The following LSAMP variants were observed in gnomAD, a reference collection of about 807,000 sequenced individuals.
LSAMP encodes limbic system-associated membrane protein.
In LSAMP, 7 loss-of-function variants were observed where a neutral mutation model predicts 38.6. The observed-to-expected ratio is 0.18, with a 90% CI of 0.10 to 0.34. The LOEUF (loss-of-function observed/expected upper bound fraction) is 0.34, where lower values mean the gene tolerates loss of function less well. LSAMP is among the 10% of genes least tolerant of loss of function. The pLI is 1.00. For synonymous variants in LSAMP, 154 were observed against 166.8 expected, an observed-to-expected ratio of 0.92 and a Z score of 0.59; for missense variants, 313 against 420.0, an observed-to-expected ratio of 0.75 and a Z score of 2.23.
At chr3:116,397,560 CTG>C (rs773779355) in intron 1 of LSAMP, among the ~76,000 whole-genome samples, 1 of 152,018 alleles carries the variant, frequency 6.6e-6, no homozygotes, top group Non-Finnish European at 1.5e-5. Context: ...ACTGAAATTT[CTG>C]TGTGTTTTGT....
intron 2 of LSAMP, among the ~76,000 whole-genome samples, chr3:116,067,551 T>A (rs1190639887): frequency 6.6e-6 from 1 of 152,178 alleles, no homozygotes; most frequent in Non-Finnish European, 1.5e-5. Context: ...GCAAACTCAC[T>A]CTGAGGACTT....
intron 3 of LSAMP, among the ~76,000 whole-genome samples, chr3:115,929,382 T>A (rs1937545082): frequency 6.6e-6 from 1 of 152,086 alleles, no homozygotes; most frequent in Admixed American, 6.5e-5. Flanking sequence ...GAATTCTACT[T>A]GTGACACTAC....
In LSAMP at chr3:116,264,850, T is replaced by A. The variant is rs2046872322; in HGVS notation, c.156-178294A>T. ...TCAAAAAACTGAGTTTAAACAATCC[T>A]CCCACCTTGGCCTCCCAAGTGCTGG... is the stretch of plus-strand genomic sequence containing the variant. On this transcript the variant is annotated intron_variant, in intron 1 of 6. Coordinates refer to ENST00000490035, the MANE Select transcript of LSAMP (RefSeq NM_002338.5). 1.3e-5 allele frequency among the ~76,000 whole-genome samples: 2 copies of A among 152,034 alleles called. 1 individual carries two copies. Among genetic ancestry groups the A allele is most frequent in the Admixed American group, 1.3e-4 (2 of 15,244 alleles).
At chr3:115,817,820 A>T (rs1160167629) in intron 6 of LSAMP, among the ~76,000 whole-genome samples, 1 of 152,326 alleles carries the variant, frequency 6.6e-6, no homozygotes, top group African/African-American at 2.4e-5. Context: ...TTCTATTAAT[A>T]TATAAAACAA....
intron 1 of LSAMP, among the ~76,000 whole-genome samples, chr3:116,200,262 C>A (rs530288506): frequency 6.6e-6 from 1 of 152,218 alleles, no homozygotes; most frequent in African/African-American, 2.4e-5. Flanking sequence ...AAGCTTCAAC[C>A]ACACTACAGG....
chr3:116,110,134 T>C (rs1191778025), intron 1 of LSAMP, among the ~76,000 whole-genome samples: 1 of 148,102 alleles, frequency 6.8e-6, no homozygotes, highest in African/African-American at 2.5e-5. Flanking sequence ...TGAGGGGTAC[T>C]TGCTCCTCCC....
intron 1 of LSAMP, among the ~76,000 whole-genome samples, chr3:116,233,056 C>T (rs1056985801): frequency 6.6e-6 from 1 of 151,950 alleles, no homozygotes; most frequent in Admixed American, 6.6e-5. Flanking sequence ...TTCTCGCTGC[C>T]TTTAATTATT....
At chr3:116,288,998 G>T (rs954675976) in intron 1 of LSAMP, among the ~76,000 whole-genome samples, 4 of 152,094 alleles carry the variant, frequency 2.6e-5, no homozygotes, top group African/African-American at 7.2e-5. Flanking sequence ...TATTAGATTG[G>T]CTTGTAAGGA....
chr3:116,069,563 A>T (rs1445801273), intron 2 of LSAMP, among the ~76,000 whole-genome samples: 1 of 152,186 alleles, frequency 6.6e-6, no homozygotes, highest in African/African-American at 2.4e-5. Context: ...TCCTCAGAAA[A>T]AAAAAAATGT....
At chr3:116,115,694 T>A (rs936713669) in intron 1 of LSAMP, among the ~76,000 whole-genome samples, 15 of 149,210 alleles carry the variant, frequency 1.0e-4, no homozygotes, top group African/African-American at 3.6e-4. Flanking sequence ...AAAAAAACTT[T>A]GTTGAGTCGA....
At chr3:116,141,870 T>G (rs1282677079) in intron 1 of LSAMP, among the ~76,000 whole-genome samples, 3 of 151,948 alleles carry the variant, frequency 2.0e-5, no homozygotes, top group Non-Finnish European at 4.4e-5. Context: ...AAGGAAAGAA[T>G]ATGACTTAGG....
At chr3:116,233,412 C>CA (rs3028677) in intron 1 of LSAMP, among the ~76,000 whole-genome samples, 15,066 of 70,014 alleles carry the variant, frequency 0.22, 2,752 homozygotes, top group African/African-American at 0.32. Flanking sequence ...GACTCTGTCT[C>CA]AAAAAAAAAA....
chr3:116,362,718 G>T lies in LSAMP; in HGVS notation c.155+82159C>A, dbSNP rs1335051664. ...AGGATTAAGAATCTCACTGAAAGCC[G>T]CTCAACTACCTGGAAACTGAACAAC... On this transcript the variant is annotated intron_variant, in intron 1 of 6. Coordinates refer to ENST00000490035, the MANE Select transcript of LSAMP (RefSeq NM_002338.5). Among the ~76,000 whole-genome samples, 33 of 109,120 alleles carry T rather than the reference G, an allele frequency of 3.0e-4. 5 individuals are homozygous for T. Among genetic ancestry groups the T allele is most frequent in the Admixed American group, 3.0e-3 (33 of 11,052 alleles). The allele number at this position is 109,120 out of a possible 152,430, so 71.6% of individuals were successfully genotyped here.
At chr3:116,355,444 G>C (rs77168445) in intron 1 of LSAMP, among the ~76,000 whole-genome samples, 2,443 of 152,216 alleles carry the variant, frequency 0.016, 61 homozygotes, top group African/African-American at 0.054. Context: ...AAAATCAGAT[G>C]GGTTAAAGAT....
intron 1 of LSAMP, among the ~76,000 whole-genome samples, chr3:116,317,044 T>C (rs577173757): frequency 1.3e-5 from 2 of 152,100 alleles, no homozygotes; most frequent in South Asian, 2.1e-4. Context: ...GTTTGCAAAA[T>C]GGACCCATCA....
At chr3:116,274,747 C>T (rs1471449989) in intron 1 of LSAMP, among the ~76,000 whole-genome samples, 1 of 150,584 alleles carries the variant, frequency 6.6e-6, no homozygotes, top group Non-Finnish European at 1.5e-5. Context: ...ATTTTCCAAT[C>T]AAGGGCAATC....
chr3:116,393,044 T>C (rs2048724717), intron 1 of LSAMP, among the ~76,000 whole-genome samples: 1 of 152,146 alleles, frequency 6.6e-6, no homozygotes, highest in Non-Finnish European at 1.5e-5. Flanking sequence ...AAATCTTCTC[T>C]TCATCTTGCT....
intron 1 of LSAMP, among the ~76,000 whole-genome samples, chr3:116,166,818 A>G (rs1251642855): frequency 5.7e-5 from 7 of 122,580 alleles, no homozygotes; most frequent in Admixed American, 1.1e-4. Context: ...ACGGAGTCTC[A>G]CTCTGTCTGT....
chr3:115,982,931 C>CTTTTTTTTTTTTTTTTT (rs11386123), intron 3 of LSAMP, among the ~76,000 whole-genome samples: 2 of 136,278 alleles, frequency 1.5e-5, no homozygotes, highest in African/African-American at 2.7e-5. Flanking sequence ...CCTATGGAGA[C>CTTTTTTTTTTTTTTTTT]TTTTTTTTTT....
Sources: allele counts gnomAD v4.1 joint callset (sites outside exome capture counted in the v4.1 genomes callset), GRCh38; gene constraint gnomAD v4.1.1; transcripts MANE v1.5; gene names NCBI Gene and HGNC (gene_info 2026-07-23, HGNC 2026-07-21).